NOM1: variants seen among roughly 807,000 people sequenced by gnomAD.
NOM1 encodes the protein nucleolar MIF4G domain-containing protein 1.
NOM1 carries 58 observed loss-of-function variants against 73.3 expected under a neutral mutation model. The observed-to-expected ratio is 0.79, with a 90% CI of 0.64 to 0.99. The LOEUF (loss-of-function observed/expected upper bound fraction) is 0.99, where lower values mean the gene tolerates loss of function less well. NOM1 is among the 50% of genes least tolerant of loss of function. NOM1 has a pLI of 0.00. For missense variants in NOM1, 1,226 were observed against 1,131.9 expected, an observed-to-expected ratio of 1.08 and a Z score of -1.19; for synonymous variants, 487 against 446.8, an observed-to-expected ratio of 1.09 and a Z score of -1.14.
intron 1 of NOM1, among the ~76,000 whole-genome samples, chr7:156,951,548 A>G (rs908561630): frequency 5.9e-5 from 9 of 152,122 alleles, no homozygotes; most frequent in African/African-American, 1.7e-4. Context: ...CACTAGTTCT[A>G]TGTATGTAAA....
chr7:156,950,999 C>G (rs1382305960), intron 1 of NOM1, among the ~76,000 whole-genome samples: 1 of 152,228 alleles, frequency 6.6e-6, no homozygotes, highest in Non-Finnish European at 1.5e-5. Flanking sequence ...TGTTTACCAG[C>G]CCAGGTCTCT....
rs1366069187 is a variant in NOM1, at chr7:156,950,504, A to C, written c.767A>C (p.Gln256Pro). Residue 256 changes from glutamine to proline, a missense_variant, in exon 1 of 11, where the codon CAG becomes CCG. Transcript: ENST00000275820. ...GAAAGTGACTTAGAGAGTGACTCCC[A>C]GGACGAAAGTGAGGAGGAGGAGGAG... The part of the protein sequence containing the change: ...LPESDLESDS[Q>P]DESEEEEEGD... The C allele has an allele frequency of 1.9e-5, 31 of 1,614,038 alleles. No individual in the cohort carries two copies. In the Admixed American group the frequency reaches 5.2e-4, roughly 27 times the overall value.
rs776609130 is a variant in NOM1 at position 156,969,670 on chromosome 7, G to GT, written c.2551dup (p.Cys851LeufsTer29). ...GAGAGAAAGCTGACCTTGCAACGAA[G>GT]TGTCTGCAAGGAAAAGCTTCCCTGA... is the stretch of plus-strand genomic sequence containing the variant. On this transcript the variant is annotated frameshift_variant, in exon 11 of 11. Transcript: ENST00000275820. LOFTEE classifies it high-confidence loss of function. The GT allele has an allele frequency of 5.0e-6, 8 of 1,612,346 alleles. No homozygotes were observed. The highest frequency in any genetic ancestry group is 5.9e-6 in the Non-Finnish European group (7 of 1,179,096).
intron 10 of NOM1, 42 bp downstream of exon 10, chr7:156,969,238 G>A (rs1284088957): frequency 9.5e-7 from 1 of 1,051,144 alleles, no homozygotes; most frequent in Non-Finnish European, 1.5e-6. Context: ...GAAGAGAAAT[G>A]AAGAGATTGT....
At chr7:156,965,986 G>A (rs973751346) in intron 7 of NOM1, among the ~76,000 whole-genome samples, 3 of 152,206 alleles carry the variant, frequency 2.0e-5, no homozygotes, top group Admixed American at 2.0e-4. Context: ...GATTGAGTCA[G>A]TTTATTGTCA....
rs780265816 is a variant in NOM1 at position 156,960,181 on chromosome 7, G to A, written c.1632+7G>A. The A allele has an allele frequency of 9.4e-6, 15 of 1,602,944 alleles. No homozygotes were observed. Among genetic ancestry groups the A allele is most frequent in the South Asian group, 4.5e-5 (4 of 89,372 alleles). ...GTTTCAGGACCAGACCAGGGTACGC[G>A]TGCGACGCTTGATCTGCTTCCTAAG... On this transcript the variant is annotated splice_region_variant and intron_variant, in intron 4 of 10. Coordinates refer to ENST00000275820, the MANE Select transcript of NOM1 (RefSeq NM_138400.2).
In NOM1 at chr7:156,949,838, C is replaced by T. The variant is rs1295912963; in HGVS notation, c.101C>T (p.Pro34Leu). 2.1e-6 allele frequency: 3 copies of T among 1,459,352 alleles called. No individual in the cohort carries two copies. The highest frequency in any genetic ancestry group is 2.7e-6 in the Non-Finnish European group (3 of 1,107,266). 90.4% of individuals were successfully genotyped at this position (1,459,352 alleles called of 1,614,324 possible). ...RRGGRGPRRG[P>L]AGGGEKALKR... ...GGCGGGCGCGGGCCGCGCCGCGGTC[C>T]TGCTGGCGGTGGGGAGAAGGCCCTG... The change falls in exon 1 of 11, where the codon CCT (proline) becomes CTT (leucine). Residue 34 changes from proline (P) to leucine (L), a missense_variant. Physicochemically the swap from Pro to Leu is moderately conservative, Grantham distance 98. Coordinates refer to ENST00000275820, the MANE Select transcript of NOM1 (RefSeq NM_138400.2).
At chr7:156,954,056 T>A in intron 2 of NOM1, 47 bp from the exon 3 acceptor site, 1 of 1,524,220 alleles carries the variant, frequency 6.6e-7, no homozygotes, top group Non-Finnish European at 8.9e-7. Flanking sequence ...AACTGAAAAT[T>A]CCTAATTGGA....
In NOM1 at chr7:156,963,521, T is replaced by C. The variant is rs1804920774; in HGVS notation, c.1911+346T>C. 9 of 396,428 alleles carry C rather than the reference T, an allele frequency of 2.3e-5. No individual in the cohort carries two copies. In the South Asian group the frequency reaches 2.3e-4, roughly 10 times the overall value. 24.6% of individuals were successfully genotyped at this position (396,428 alleles called of 1,614,324 possible). A position where few individuals can be genotyped will look rare whatever the true frequency, so the allele number is the denominator to read the frequency against. ...TAGGCTACAGGCTATGGATTTCACA[T>C]TGTGGAAATTCAAGCCCATTTTTCA... On this transcript the variant is annotated intron_variant, in intron 6 of 10. Transcript: ENST00000275820.
At chr7:156,950,856 G>C in intron 1 of NOM1, 132 bp downstream of exon 1, 1 of 759,258 alleles carries the variant, frequency 1.3e-6, no homozygotes, top group Non-Finnish European at 2.1e-6. Context: ...AGTAAATCGA[G>C]TACGTTACTC....
At chr7:156,966,561 C>T (rs374132037) in intron 8 of NOM1, among the ~76,000 whole-genome samples, 159 bp downstream of exon 8, 19 of 152,160 alleles carry the variant, frequency 1.2e-4, no homozygotes, top group Admixed American at 1.2e-3. Flanking sequence ...TCACTGGGAG[C>T]GGAAGTGGGA....
intron 6 of NOM1, chr7:156,963,415 G>A (rs1165886963): frequency 1.8e-6 from 1 of 559,250 alleles, no homozygotes; most frequent in Admixed American, 2.9e-5. Context: ...ACGGGGCAGG[G>A]GAGCGCATGA....
In NOM1 at chr7:156,963,002, C is replaced by T. The variant is rs764346285; in HGVS notation, c.1744-6C>T. On this transcript the variant is annotated splice_region_variant and splice_polypyrimidine_tract_variant and intron_variant, in intron 5 of 10. Coordinates refer to ENST00000275820, the MANE Select transcript of NOM1 (RefSeq NM_138400.2). ...AGCATTTCATTAGCTCTTCTCTCTT[C>T]ATCAGGTCCGCAACGCCGGCTCAGG... is the stretch of plus-strand genomic sequence containing the variant. 1 of 1,609,794 alleles carries T rather than the reference C, an allele frequency of 6.2e-7. No homozygotes were observed. The highest frequency in any genetic ancestry group is 1.1e-5 in the South Asian group (1 of 91,006).
Position 156,971,385 on chromosome 7 carries a change from C to T in NOM1, c.*1682C>T, listed in dbSNP as rs1482975420. On this transcript the variant is annotated 3_prime_UTR_variant, in exon 11 of 11. Transcript: ENST00000275820. ...GCCCCATTTGTGGCACTTTCAGATA[C>T]TATTTATTTACTTTTTAAGAGAGAG... The T allele has an allele frequency of 6.6e-6, 1 of 152,252 alleles. No individual in the cohort carries two copies. Among genetic ancestry groups the T allele is most frequent in the Admixed American group, 6.5e-5 (1 of 15,286 alleles). 9.4% of individuals were successfully genotyped at this position (152,252 alleles called of 1,614,324 possible). A position where few individuals can be genotyped will look rare whatever the true frequency, so the allele number is the denominator to read the frequency against.
intron 6 of NOM1, 40 bp downstream of exon 6, chr7:156,963,215 C>A: frequency 6.2e-7 from 1 of 1,610,046 alleles, no homozygotes; most frequent in Non-Finnish European, 8.5e-7. Context: ...GCAGAGGCAC[C>A]CCCCTGTGTG....
chr7:156,950,035 A>G lies in NOM1; in HGVS notation c.298A>G (p.Arg100Gly). 6.5e-7 allele frequency: 1 copy of G among 1,542,490 alleles called. No homozygotes were observed. The highest frequency in any genetic ancestry group is 1.2e-5 in the South Asian group (1 of 84,146). ...CCTGCGGAAAGCACGCCGGCTGCAG[A>G]GGACGGCGGGCCCCGAACAGGGTCC... ...RHLRKARRLQ[R>G]TAGPEQGPGL... The change falls in exon 1 of 11, where the codon AGG becomes GGG. Residue 100 changes from arginine to glycine, a missense_variant. Transcript: ENST00000275820.
chr7:156,967,134 G>C (rs773994763), intron 9 of NOM1, 42 bp downstream of exon 9: 1 of 1,599,150 alleles, frequency 6.3e-7, no homozygotes, highest in Admixed American at 1.7e-5. Context: ...ATGGAAATGG[G>C]AGTGTAATTG....
chr7:156,968,198 C>T (rs1805049328), intron 9 of NOM1, among the ~76,000 whole-genome samples: 1 of 152,216 alleles, frequency 6.6e-6, no homozygotes, highest in Admixed American at 6.5e-5. Context: ...TGCTCCCCCT[C>T]CGCTCCCCTG....
intron 2 of NOM1, among the ~76,000 whole-genome samples, chr7:156,953,329 T>C (rs995177145): frequency 6.6e-6 from 1 of 152,292 alleles, no homozygotes; most frequent in Middle Eastern, 3.4e-3. Context: ...GATTTCTCCA[T>C]GTAGGTCAGG....
Sources: gnomAD v4.1 joint callset for allele counts (sites outside exome capture counted in the v4.1 genomes callset) on GRCh38, gnomAD v4.1.1 for gene constraint, MANE v1.5 for transcripts, NCBI Gene and HGNC (gene_info 2026-07-23, HGNC 2026-07-21) for gene names.